The following THAP6 variants were observed in gnomAD, a reference collection of about 807,000 sequenced individuals.
The protein encoded by THAP6 is THAP domain containing 6, also known as THAP domain-containing protein 6.
THAP6 carries 13 observed loss-of-function variants against 20.0 expected under a neutral mutation model. The observed-to-expected ratio is 0.65, with a 90% CI of 0.42 to 1.03. The LOEUF is 1.03. Among genes scored for constraint, THAP6 ranks in the 50% least tolerant of loss-of-function variants. The pLI, the probability that THAP6 is intolerant of heterozygous loss-of-function variation, is 0.00. For missense variants in THAP6, 262 were observed against 261.6 expected, an observed-to-expected ratio of 1.00 and a Z score of -0.01; for synonymous variants, 93 against 92.2, an observed-to-expected ratio of 1.01 and a Z score of -0.05.
chr4:75,546,396 C>G (rs183369625), intron 3 of THAP6, among the ~76,000 whole-genome samples: 29 of 152,346 alleles, frequency 1.9e-4, no homozygotes, highest in African/African-American at 7.0e-4. Flanking sequence ...TTAGTCCTCC[C>G]ACACATCTCC....
rs1357958736 is a variant in THAP6, at chr4:75,516,900, A to G, written c.209A>G (p.Asp70Gly). Residue 70 changes from aspartate (D) to glycine (G), a missense_variant, in exon 3 of 5, where the codon GAT becomes GGT. Coordinates refer to ENST00000311638, the MANE Select transcript of THAP6 (RefSeq NM_144721.6). Reference sequence around the variant, plus strand: ...TGTTCGAGGCACTTTAAGAAGACAGATTTTGACAGAAGTGCTCCAAATATT... The same window carrying G: ...TGTTCGAGGCACTTTAAGAAGACAGGTTTTGACAGAAGTGCTCCAAATATT... ...VLCSRHFKKT[D>G]FDRSAPNIKL... 4 of 1,613,872 alleles carry G rather than the reference A, an allele frequency of 2.5e-6. No individual in the cohort carries two copies. The South Asian group carries it at 4.4e-5, about 18-fold the overall frequency.
At chr4:75,518,338 A>C (rs1725794889) in intron 3 of THAP6, among the ~76,000 whole-genome samples, 1 of 152,218 alleles carries the variant, frequency 6.6e-6, no homozygotes, top group Non-Finnish European at 1.5e-5. Flanking sequence ...TACTGTGAAC[A>C]CTTTGATCTG....
Position 75,527,618 on chromosome 4 carries a change from C to T in THAP6, c.*404C>T. On this transcript the variant is annotated 3_prime_UTR_variant, in exon 5 of 5. Coordinates refer to ENST00000311638, the MANE Select transcript of THAP6 (RefSeq NM_144721.6). ...TTTATGGTAAGTACATTGAATTTTA[C>T]TTTAAATGCATTTTACTACAAAGCA... The T allele has an allele frequency of 1.0e-6, 1 of 1,004,712 alleles. No homozygotes were observed. Among genetic ancestry groups the T allele is most frequent in the Non-Finnish European group, 1.2e-6 (1 of 840,860 alleles). 62.2% of individuals were successfully genotyped at this position (1,004,712 alleles called of 1,614,324 possible).
chr4:75,527,091 A>G lies in THAP6; in HGVS notation c.546A>G (p.Ser182=), dbSNP rs373920473. 2.5e-6 allele frequency: 4 copies of G among 1,614,036 alleles called. No individual in the cohort carries two copies. Among genetic ancestry groups the G allele is most frequent in the Non-Finnish European group, 2.5e-6 (3 of 1,180,010 alleles). The change falls in exon 5 of 5, where the codon TCA becomes TCG. Residue 182 remains serine, a synonymous_variant. Coordinates refer to ENST00000311638, the MANE Select transcript of THAP6 (RefSeq NM_144721.6). ...VLDREKRFQK[S]LRKTIRELKD... Reference sequence around the variant, plus strand: ...ACCGAGAAAAACGTTTTCAGAAATCATTGAGGAAGACAATCAGGGAATTAA... The same window carrying G: ...ACCGAGAAAAACGTTTTCAGAAATCGTTGAGGAAGACAATCAGGGAATTAA...
chr4:75,523,343 G>A (rs929738339), intron 4 of THAP6, among the ~76,000 whole-genome samples: 16 of 152,042 alleles, frequency 1.1e-4, no homozygotes, highest in Admixed American at 3.3e-4. Context: ...ATATATTCTG[G>A]TTATCAATCC....
Position 75,527,674 on chromosome 4 carries a change from A to G in THAP6, c.*460A>G. The G allele has an allele frequency of 1.5e-5, 15 of 993,706 alleles. No homozygotes were observed. Among genetic ancestry groups the G allele is most frequent in the Non-Finnish European group, 1.7e-5 (14 of 834,566 alleles). The allele number at this position is 993,706 out of a possible 1,614,324, so 61.6% of individuals were successfully genotyped here. A position where few individuals can be genotyped will look rare whatever the true frequency, so the allele number is the denominator to read the frequency against. ...CATTTGTAATGCATATCCATCTTGGATTCAATCCAAGGTGCTTTAGCTATC... is the reference window on the plus strand; with the variant it reads ...CATTTGTAATGCATATCCATCTTGGGTTCAATCCAAGGTGCTTTAGCTATC... On this transcript the variant is annotated 3_prime_UTR_variant, in exon 5 of 5. Transcript: ENST00000311638.
chr4:75,528,344 G>C lies in THAP6; in HGVS notation c.*1130G>C. On this transcript the variant is annotated 3_prime_UTR_variant, in exon 5 of 5. Coordinates refer to ENST00000311638, the MANE Select transcript of THAP6 (RefSeq NM_144721.6). ...TCATAATTCCTTACCGAAAACAACTGAAATTGAGAGTCATAAATACTGTGG... is the reference window on the plus strand; with the variant it reads ...TCATAATTCCTTACCGAAAACAACTCAAATTGAGAGTCATAAATACTGTGG... 1 of 985,352 alleles carries C rather than the reference G, an allele frequency of 1.0e-6. No individual in the cohort carries two copies. The highest frequency in any genetic ancestry group is 1.2e-6 in the Non-Finnish European group (1 of 829,918). 61.0% of individuals were successfully genotyped at this position (985,352 alleles called of 1,614,324 possible). A position where few individuals can be genotyped will look rare whatever the true frequency, so the allele number is the denominator to read the frequency against.
At chr4:75,523,559 T>G (rs918257164) in intron 4 of THAP6, among the ~76,000 whole-genome samples, 1 of 152,104 alleles carries the variant, frequency 6.6e-6, no homozygotes. Context: ...ATCCCAGCAC[T>G]TTGGGAGGCC....
At chr4:75,542,073 A>AT (rs1727021259) in intron 2 of THAP6, among the ~76,000 whole-genome samples, 1 of 152,216 alleles carries the variant, frequency 6.6e-6, no homozygotes, top group South Asian at 2.1e-4. Flanking sequence ...TAAGTCTTGA[A>AT]TTACTAGTAT....
intron 4 of THAP6, among the ~76,000 whole-genome samples, chr4:75,525,775 T>C (rs963748530): frequency 6.6e-6 from 1 of 152,234 alleles, no homozygotes; most frequent in African/African-American, 2.4e-5. Flanking sequence ...GATTTTACTT[T>C]GTTTGACAAG....
rs536241532 is a variant in THAP6 at position 75,529,761 on chromosome 4, T to C, written c.*2547T>C. The C allele has an allele frequency of 1.0e-6, 1 of 985,428 alleles. No homozygotes were observed. The highest frequency in any genetic ancestry group is 1.1e-4 in the East Asian group (1 of 8,812). The allele number at this position is 985,428 out of a possible 1,614,324, so 61.0% of individuals were successfully genotyped here. On this transcript the variant is annotated 3_prime_UTR_variant, in exon 5 of 5. Coordinates refer to ENST00000311638, the MANE Select transcript of THAP6 (RefSeq NM_144721.6). ...GTGGCCTCTAGAGCCAGGAACACAT[T>C]AATACAACAGTTCAACCTCAGCACC...
chr4:75,514,438 T>G (rs1560536951), upstream of THAP6: 1 of 869,558 alleles, frequency 1.2e-6, no homozygotes, highest in Non-Finnish European at 1.7e-6. Flanking sequence ...CAGACGGATT[T>G]CCGGTTCCCG....
chr4:75,523,869 G>C (rs1224709174), intron 4 of THAP6, among the ~76,000 whole-genome samples: 1 of 150,904 alleles, frequency 6.6e-6, no homozygotes, highest in East Asian at 1.9e-4. Flanking sequence ...TTTCCCCAAT[G>C]TTTTCTTGTA....
chr4:75,518,400 C>T (rs1725799969), intron 3 of THAP6, among the ~76,000 whole-genome samples: 1 of 152,162 alleles, frequency 6.6e-6, no homozygotes, highest in Non-Finnish European at 1.5e-5. Context: ...AGATAATCTT[C>T]TGGAAATAGA....
At chr4:75,525,109 G>A (rs894279000) in intron 4 of THAP6, among the ~76,000 whole-genome samples, 2 of 151,970 alleles carry the variant, frequency 1.3e-5, no homozygotes, top group Non-Finnish European at 2.9e-5. Context: ...ATATGCCTTG[G>A]TTTCATTTTC....
chr4:75,531,354 G>A (rs1240607611), downstream of THAP6, among the ~76,000 whole-genome samples: 1 of 152,204 alleles, frequency 6.6e-6, no homozygotes, highest in South Asian at 2.1e-4. Context: ...TGATTACACT[G>A]AGGAAGGACT....
In THAP6 at chr4:75,529,668, C is replaced by T; in HGVS notation, c.*2454C>T. The T allele has an allele frequency of 2.0e-6, 2 of 985,478 alleles. No homozygotes were observed. The highest frequency in any genetic ancestry group is 3.5e-5 in the African/African-American group (2 of 57,372). 61.0% of individuals were successfully genotyped at this position (985,478 alleles called of 1,614,324 possible). A position where few individuals can be genotyped will look rare whatever the true frequency, so the allele number is the denominator to read the frequency against. On this transcript the variant is annotated 3_prime_UTR_variant, in exon 5 of 5. Coordinates refer to ENST00000311638, the MANE Select transcript of THAP6 (RefSeq NM_144721.6). ...TGTGTAAAGCAAAACCCAAGTCATC[C>T]CCCTCCAGAAATTTCTCTGGCAGCC...
chr4:75,533,764 A>T (rs1187976216), downstream of THAP6, among the ~76,000 whole-genome samples: 1 of 151,426 alleles, frequency 6.6e-6, no homozygotes, highest in African/African-American at 2.4e-5. Context: ...CTTTTTTTCA[A>T]ATTTTTTTTT....
At chr4:75,545,304 G>A (rs1727100627) in intron 3 of THAP6, among the ~76,000 whole-genome samples, 1 of 152,122 alleles carries the variant, frequency 6.6e-6, no homozygotes, top group South Asian at 2.1e-4. Context: ...GTTGACGTGG[G>A]CATTACTCTG....
Sources: allele counts gnomAD v4.1 joint callset (sites outside exome capture counted in the v4.1 genomes callset), GRCh38; gene constraint gnomAD v4.1.1; transcripts MANE v1.5; gene names NCBI Gene and HGNC (gene_info 2026-07-23, HGNC 2026-07-21).